FMO5: variants seen among roughly 807,000 people sequenced by gnomAD.
FMO5 encodes the protein flavin containing dimethylaniline monoxygenase 5.
FMO5 carries 51 observed loss-of-function variants against 43.6 expected under a neutral mutation model. The observed-to-expected ratio is 1.17, with a 90% CI of 0.93 to 1.48. The LOEUF is 1.48. FMO5 is among the 40% of genes most tolerant of loss of function. The pLI is 0.00. For missense variants in FMO5, 644 were observed against 643.0 expected, an observed-to-expected ratio of 1.00 and a Z score of -0.02; for synonymous variants, 187 against 216.5, an observed-to-expected ratio of 0.86 and a Z score of 1.20.
At chr1:147,192,061 A>T (rs1445150111) in intron 7 of FMO5, among the ~76,000 whole-genome samples, 1 of 152,054 alleles carries the variant, frequency 6.6e-6, no homozygotes, top group African/African-American at 2.4e-5. Context: ...GTCATTGGTC[A>T]CTTGATGCGG....
chr1:147,217,364 TGAG>T (rs1252071420), intron 2 of FMO5, among the ~76,000 whole-genome samples: 1 of 152,224 alleles, frequency 6.6e-6, no homozygotes, highest in Non-Finnish European at 1.5e-5. Flanking sequence ...ATTTCACAAA[TGAG>T]GAGTTTTCAA....
chr1:147,202,508 C>G (rs1167696913), intron 6 of FMO5, among the ~76,000 whole-genome samples: 1 of 151,802 alleles, frequency 6.6e-6, no homozygotes, highest in Non-Finnish European at 1.5e-5. Context: ...TTAGTAGAGA[C>G]AGGGTTTCAC....
At chr1:147,204,384 A>ATT (rs1659587338) in intron 6 of FMO5, 1 of 1,066,564 alleles carries the variant, frequency 9.4e-7, no homozygotes, top group Non-Finnish European at 1.5e-6. Flanking sequence ...ATGCCTGAAC[A>ATT]ATAAGCTTGG....
chr1:147,210,547 A>G (rs1426423495), intron 5 of FMO5: 1 of 152,224 alleles, frequency 6.6e-6, no homozygotes, highest in Non-Finnish European at 1.5e-5. Flanking sequence ...ATGTACTTCC[A>G]CAGTCACAGT....
chr1:147,195,836 G>A (rs1657902698), intron 7 of FMO5, among the ~76,000 whole-genome samples: 1 of 152,044 alleles, frequency 6.6e-6, no homozygotes, highest in African/African-American at 2.4e-5. Context: ...CTCTAACCTA[G>A]TGGTTATCTC....
chr1:147,226,860 T>C (rs1422920841), upstream of FMO5, among the ~76,000 whole-genome samples: 1 of 148,020 alleles, frequency 6.8e-6, no homozygotes, highest in Non-Finnish European at 1.5e-5. Context: ...TGAAACAGGG[T>C]CTCACTCTGG....
chr1:147,201,642 G>T, intron 6 of FMO5, 138 bp from the exon 7 acceptor site: 1 of 653,610 alleles, frequency 1.5e-6, no homozygotes, highest in Non-Finnish European at 2.7e-6. Context: ...TTTGGAAAAG[G>T]TCTAATTTAT....
intron 7 of FMO5, among the ~76,000 whole-genome samples, chr1:147,194,209 T>C (rs143916626): frequency 0.037 from 5,619 of 152,278 alleles, 159 homozygotes; most frequent in South Asian, 0.095. Flanking sequence ...GGTGCATATA[T>C]ATTTAGGATA....
rs1661891816 is a variant in FMO5, at chr1:147,215,851, G to A, written c.227C>T (p.Pro76Leu). ...EMMCFSDYPIPDHYPNFMHNA... is the reference protein window; with the variant it reads ...EMMCFSDYPILDHYPNFMHNA... ...ATGCATGAAGTTGGGATAATGATCT[G>A]GGATTGGATAGTCACTGAAGCACAT... The change falls in exon 3 of 9, where the codon CCA (proline) becomes CTA (leucine). Residue 76 changes from proline (P) to leucine (L), a missense_variant. Physicochemically the swap from Pro to Leu is moderately conservative, Grantham distance 98 (BLOSUM62 -3). Coordinates refer to ENST00000254090, the MANE Select transcript of FMO5 (RefSeq NM_001461.4). 2 of 1,613,614 alleles carry A rather than the reference G, an allele frequency of 1.2e-6. No homozygotes were observed. Among genetic ancestry groups the A allele is most frequent in the African/African-American group, 1.3e-5 (1 of 75,024 alleles).
chr1:147,225,605 C>G (rs1663912793), upstream of FMO5: 1 of 153,858 alleles, frequency 6.5e-6, no homozygotes. Flanking sequence ...CGTCTGTGCT[C>G]GCTTCTGCAT....
rs782543533 is a variant in FMO5, at chr1:147,209,004, C to G, written c.678G>C (p.Gly226=). 2 of 1,614,112 alleles carry G rather than the reference C, an allele frequency of 1.2e-6. No homozygotes were observed. The highest frequency in any genetic ancestry group is 2.2e-5 in the South Asian group (2 of 91,076). ...RRGAWILNRV[G]DYGYPADVLF... is the part of the protein sequence containing the mutation. ...ACACATCAGCAGGATATCCGTAGTCCCCTACACGATTCAGGATCCAAGCCC... is the reference window on the plus strand; with the variant it reads ...ACACATCAGCAGGATATCCGTAGTCGCCTACACGATTCAGGATCCAAGCCC... The change falls in exon 6 of 9, where the codon GGG becomes GGC. Residue 226 remains glycine (G), a synonymous_variant. Transcript: ENST00000254090.
Position 147,224,993 on chromosome 1 carries a change from C to T in FMO5, c.37G>A (p.Val13Met). 1.2e-6 allele frequency: 2 copies of T among 1,614,100 alleles called. No homozygotes were observed. The highest frequency in any genetic ancestry group is 1.7e-6 in the Non-Finnish European group (2 of 1,180,010). The change falls in exon 2 of 9, where the codon GTG becomes ATG. Residue 13 changes from valine to methionine, a missense_variant. Coordinates refer to ENST00000254090, the MANE Select transcript of FMO5 (RefSeq NM_001461.4). ...CACTTGATGGAAGAGAGCCCGCTCACTCCTCCCCCAATCACAGCAATTCTT... is the reference window on the plus strand; with the variant it reads ...CACTTGATGGAAGAGAGCCCGCTCATTCCTCCCCCAATCACAGCAATTCTT... ...KKRIAVIGGG[V>M]SGLSSIKCCV...
rs1050097798 is a variant in FMO5, at chr1:147,203,189, T to G, written c.831-1685A>C. On this transcript the variant is annotated intron_variant, in intron 6 of 8. Transcript: ENST00000254090. Reference sequence around the variant, plus strand: ...AATACAAACACAAAATACCTCTTAATGTAAGGAGAATAAGAAAACATCACG... The same window carrying G: ...AATACAAACACAAAATACCTCTTAAGGTAAGGAGAATAAGAAAACATCACG... 4.3e-6 allele frequency: 3 copies of G among 691,978 alleles called. No individual in the cohort carries two copies. The African/African-American group carries it at 5.4e-5, about 12-fold the overall frequency. 42.9% of individuals were successfully genotyped at this position (691,978 alleles called of 1,614,324 possible). A position where few individuals can be genotyped will look rare whatever the true frequency, so the allele number is the denominator to read the frequency against.
chr1:147,213,160 C>T lies in FMO5; in HGVS notation c.487+148G>A, dbSNP rs587717632. On this transcript the variant is annotated intron_variant, in intron 4 of 8. Coordinates refer to ENST00000254090, the MANE Select transcript of FMO5 (RefSeq NM_001461.4). Reference sequence around the variant, plus strand: ...ACAAAAATGGCAGTAATACAAGTTACCCCAACATCCTTCTGGGGAACAAGA... The same window carrying T: ...ACAAAAATGGCAGTAATACAAGTTATCCCAACATCCTTCTGGGGAACAAGA... The T allele has an allele frequency of 1.6e-3, 1,061 of 662,188 alleles. 1 individual carries two copies. Among genetic ancestry groups the T allele is most frequent in the Non-Finnish European group, 2.1e-3 (926 of 440,418 alleles). The allele number at this position is 662,188 out of a possible 1,614,324, so 41.0% of individuals were successfully genotyped here.
intron 6 of FMO5, chr1:147,203,854 C>A: frequency 7.0e-6 from 11 of 1,580,676 alleles, no homozygotes; most frequent in Non-Finnish European, 9.6e-6. Context: ...TAAAAACCAC[C>A]ACCTGAGTAT....
chr1:147,198,850 C>CA (rs151035141), intron 7 of FMO5, among the ~76,000 whole-genome samples: 14,319 of 51,432 alleles, frequency 0.28, 2,243 homozygotes, highest in Non-Finnish European at 0.35. Flanking sequence ...GACTGCATCT[C>CA]AAAAAAAAAA....
At chr1:147,225,834 C>A (rs1663932658), upstream of FMO5, 1 of 152,202 alleles carries the variant, frequency 6.6e-6, no homozygotes, top group South Asian at 2.1e-4. Flanking sequence ...CCGGGAGCGT[C>A]GGCAGACTCG....
intron 6 of FMO5, chr1:147,203,582 G>T: frequency 1.9e-6 from 2 of 1,053,580 alleles, no homozygotes; most frequent in Non-Finnish European, 3.0e-6. Context: ...TTCTGCCAGT[G>T]CACGGGGAAT....
rs1175101050 is a variant in FMO5 at position 147,201,222 on chromosome 1, C to G, written c.1113G>C (p.Leu371Phe). Residue 371 changes from leucine (L) to phenylalanine (F), a missense_variant, in exon 7 of 9, where the codon TTG becomes TTC. By Grantham distance (22) the Leu-to-Phe change is conservative (BLOSUM62 0). Coordinates refer to ENST00000254090, the MANE Select transcript of FMO5 (RefSeq NM_001461.4). ...LERPTLAIIG[L>F]IQPLGAIMPI... ...GCATAATGGCTCCTAAGGGCTGAAT[C>G]AAGCCTATGATTGCAAGAGTTGGCC... 18 of 1,614,044 alleles carry G rather than the reference C, an allele frequency of 1.1e-5. No homozygotes were observed. Among genetic ancestry groups the G allele is most frequent in the East Asian group, 2.2e-5 (1 of 44,892 alleles).
Sources: allele counts gnomAD v4.1 joint callset (sites outside exome capture counted in the v4.1 genomes callset), GRCh38; gene constraint gnomAD v4.1.1; transcripts MANE v1.5; gene names NCBI Gene and HGNC (gene_info 2026-07-23, HGNC 2026-07-21).